PRMT8: variants seen among roughly 807,000 people sequenced by gnomAD.
PRMT8 encodes the protein protein arginine methyltransferase 8, also known as protein arginine N-methyltransferase 8.
Under a neutral mutation model 47.1 loss-of-function variants are expected in PRMT8, and 7 were observed. The ratio of observed to expected loss-of-function variants is 0.15; its 90% confidence interval spans 0.08 to 0.28. PRMT8 has a LOEUF of 0.28. Among genes scored for constraint, PRMT8 ranks in the 10% least tolerant of loss-of-function variants. PRMT8 has a pLI of 1.00. For synonymous variants in PRMT8, 188 were observed against 186.5 expected, an observed-to-expected ratio of 1.01 and a Z score of -0.07; for missense variants, 237 against 505.4, an observed-to-expected ratio of 0.47 and a Z score of 5.09.
chr12:3,457,940 T>C (rs1864994518), intron 1 of PRMT8, among the ~76,000 whole-genome samples: 1 of 148,686 alleles, frequency 6.7e-6, no homozygotes, highest in South Asian at 2.2e-4. Flanking sequence ...CCTCCCGGGT[T>C]CAAGTGATTC....
rs952312567 is a variant in PRMT8 at position 3,492,486 on chromosome 12, A to G, written c.75+786A>G. ...TGGGTCTGCAGCCACCCGTCCCGCA[A>G]GGGCTTTTGAGGAGGTCGCTCTAGC... On this transcript the variant is annotated intron_variant, in intron 1 of 9. Transcript: ENST00000382622. This position sits in a 1 kb window ranked among gnomAD's most constrained non-coding sequence, Gnocchi z 7.5. Among the ~76,000 whole-genome samples, 1 of 152,168 alleles carries G rather than the reference A, an allele frequency of 6.6e-6. No individual in the cohort carries two copies. Among genetic ancestry groups the G allele is most frequent in the African/African-American group, 2.4e-5 (1 of 41,454 alleles).
chr12:3,478,524 A>G (rs1414308727), intron 1 of PRMT8, among the ~76,000 whole-genome samples: 2 of 152,244 alleles, frequency 1.3e-5, no homozygotes, highest in East Asian at 3.8e-4. Context: ...GCTTTCCCTC[A>G]GATGACATGA....
At chr12:3,481,049 G>A (rs894578226) in intron 1 of PRMT8, among the ~76,000 whole-genome samples, 5 of 152,184 alleles carry the variant, frequency 3.3e-5, no homozygotes, top group African/African-American at 1.2e-4. Flanking sequence ...TTGAAGGTGG[G>A]TCCACTCTTT....
intron 1 of PRMT8, among the ~76,000 whole-genome samples, chr12:3,397,896 T>G (rs1040348116): frequency 6.6e-6 from 1 of 152,168 alleles, no homozygotes; most frequent in African/African-American, 2.4e-5. Context: ...GAGCCAGGTG[T>G]GGGATGTAAT....
intron 1 of PRMT8, among the ~76,000 whole-genome samples, chr12:3,386,440 T>G (rs1864138765): frequency 6.6e-6 from 1 of 152,230 alleles, no homozygotes; most frequent in African/African-American, 2.4e-5. Context: ...ATTTTCTTGG[T>G]CCTTCAATGC....
chr12:3,554,143 C>T (rs1385781865), intron 4 of PRMT8, among the ~76,000 whole-genome samples: 1 of 152,238 alleles, frequency 6.6e-6, no homozygotes, highest in Non-Finnish European at 1.5e-5. Flanking sequence ...CCTCCACTGC[C>T]CACGAGCCCT....
intron 1 of PRMT8, chr12:3,469,001 G>T (rs770123816): frequency 3.5e-6 from 1 of 285,126 alleles, no homozygotes; most frequent in African/African-American, 2.2e-5. Context: ...CCATGGCCAC[G>T]TGCTGTCTAT....
intron 1 of PRMT8, among the ~76,000 whole-genome samples, chr12:3,425,683 A>T (rs1035152168): frequency 6.6e-6 from 1 of 152,242 alleles, no homozygotes; most frequent in Non-Finnish European, 1.5e-5. Flanking sequence ...GGTATTTCCC[A>T]TGGGACTCCA....
At chr12:3,587,385 A>G (rs901889888) in intron 8 of PRMT8, among the ~76,000 whole-genome samples, 2 of 151,598 alleles carry the variant, frequency 1.3e-5, no homozygotes, top group Non-Finnish European at 2.9e-5. Context: ...TTAATATTAA[A>G]AATAAATTGT....
At chr12:3,521,156 A>G (rs1280646771) in intron 1 of PRMT8, among the ~76,000 whole-genome samples, 1 of 152,216 alleles carries the variant, frequency 6.6e-6, no homozygotes, top group East Asian at 1.9e-4. Flanking sequence ...TGAGGATGGG[A>G]CATGGGTGCT....
At chr12:3,529,123 A>C (rs1865988668) in intron 1 of PRMT8, among the ~76,000 whole-genome samples, 1 of 152,178 alleles carries the variant, frequency 6.6e-6, no homozygotes, top group Non-Finnish European at 1.5e-5. Flanking sequence ...TCTGTATAGT[A>C]TTTTAATCTA....
chr12:3,473,709 C>T (rs1161486038), intron 1 of PRMT8, among the ~76,000 whole-genome samples: 1 of 152,114 alleles, frequency 6.6e-6, no homozygotes, highest in Non-Finnish European at 1.5e-5. Flanking sequence ...ACCCCCAAAT[C>T]CTCTCCTTTA....
intron 8 of PRMT8, among the ~76,000 whole-genome samples, chr12:3,584,805 T>C (rs560472924): frequency 1.1e-4 from 17 of 152,346 alleles, no homozygotes; most frequent in African/African-American, 4.1e-4. Context: ...CAGAGTTGTG[T>C]GAACCCTTTG....
chr12:3,481,494 G>T (rs151237902), intron 1 of PRMT8, among the ~76,000 whole-genome samples: 153 of 152,326 alleles, frequency 1.0e-3, no homozygotes, highest in African/African-American at 3.3e-3. Context: ...AACACAGGGA[G>T]TGGGGTTAGG....
Position 3,540,670 on chromosome 12 carries a change from A to C in PRMT8, c.140A>C (p.His47Pro), listed in dbSNP as rs753811726. ...CCTGCTAAGCCCGTGCAATGCGTCCATCATGTGTCCACTCAACCCAGCTGC... is the reference window on the plus strand; with the variant it reads ...CCTGCTAAGCCCGTGCAATGCGTCCCTCATGTGTCCACTCAACCCAGCTGC... ...VVPAKPVQCV[H>P]HVSTQPSCPG... is the part of the protein sequence containing the mutation. The change falls in exon 2 of 10, where the codon CAT becomes CCT. Residue 47 changes from histidine (H) to proline (P), a missense_variant. By Grantham distance (77) the His-to-Pro change is moderately conservative (BLOSUM62 -2). Transcript: ENST00000382622. 1.5e-6 allele frequency: 2 copies of C among 1,338,202 alleles called. No individual in the cohort carries two copies. Among genetic ancestry groups the C allele is most frequent in the Admixed American group, 2.1e-5 (1 of 46,540 alleles). The allele number at this position is 1,338,202 out of a possible 1,614,324, so 82.9% of individuals were successfully genotyped here. A position where few individuals can be genotyped will look rare whatever the true frequency, so the allele number is the denominator to read the frequency against.
chr12:3,540,734 G>C lies in PRMT8; in HGVS notation c.204G>C (p.Glu68Asp), dbSNP rs1312944823. ...AGATGTCCAAGCTGCTGAACCCAGAGGAGATGACCTCGAGAGATTATTACT... is the reference window on the plus strand; with the variant it reads ...AGATGTCCAAGCTGCTGAACCCAGACGAGATGACCTCGAGAGATTATTACT... ...RGKMSKLLNP[E>D]EMTSRDYYFD... is the part of the protein sequence containing the mutation. The change falls in exon 2 of 10, where the codon GAG (glutamate) becomes GAC (aspartate). Residue 68 changes from glutamate to aspartate, a missense_variant. Physicochemically the swap from Glu to Asp is conservative, Grantham distance 45. This residue lies in a region of PRMT8 where 32 missense variants were observed against 73.7 expected (regional missense o/e 0.43). Coordinates refer to ENST00000382622, the MANE Select transcript of PRMT8 (RefSeq NM_019854.5). The C allele has an allele frequency of 1.2e-5, 20 of 1,613,832 alleles. No individual in the cohort carries two copies. The highest frequency in any genetic ancestry group is 1.6e-5 in the Non-Finnish European group (19 of 1,179,906).
At chr12:3,484,251 A>G (rs1265345876) in intron 1 of PRMT8, among the ~76,000 whole-genome samples, 2 of 152,084 alleles carry the variant, frequency 1.3e-5, no homozygotes, top group African/African-American at 4.8e-5. Flanking sequence ...TGTCATTTGG[A>G]GGTGGTTAGC....
At chr12:3,540,905 G>A in intron 2 of PRMT8, 114 bp downstream of exon 2, 1 of 1,223,354 alleles carries the variant, frequency 8.2e-7, no homozygotes. Flanking sequence ...AGTGCTCCCA[G>A]TGTTCCTGAG....
chr12:3,438,493 A>G (rs1039763240), intron 1 of PRMT8, among the ~76,000 whole-genome samples: 1 of 152,198 alleles, frequency 6.6e-6, no homozygotes, highest in African/African-American at 2.4e-5. Flanking sequence ...GATATCAACA[A>G]GGTCTTTTGA....
Sources: gnomAD v4.1 joint callset for allele counts (sites outside exome capture counted in the v4.1 genomes callset) on GRCh38, gnomAD v4.1.1 for gene constraint, gnomAD v4.1.1 regional missense constraint, Gnocchi (gnomAD v3.1) non-coding constraint, MANE v1.5 for transcripts, NCBI Gene and HGNC (gene_info 2026-07-23, HGNC 2026-07-21) for gene names.